Variants in PTPRS observed in about 807,000 individuals in gnomAD.
PTPRS encodes receptor-type tyrosine-protein phosphatase S.
A neutral mutation model predicts 215.3 loss-of-function variants in PTPRS; 63 were observed. That is an observed-to-expected ratio of 0.29 (90% CI 0.24 to 0.36). The LOEUF is 0.36. Among genes scored for constraint, PTPRS ranks in the 10% least tolerant of loss-of-function variants. The pLI, the probability that PTPRS is intolerant of heterozygous loss-of-function variation, is 1.00. For synonymous variants in PTPRS, 1,404 were observed against 1,191.4 expected (o/e 1.18, Z -3.68); for missense variants, 2,258 against 2,825.8 (o/e 0.80, Z 4.56).
chr19:5,261,381 G>A (rs1384324699), intron 6 of PTPRS, among the ~76,000 whole-genome samples: 1 of 152,192 alleles, frequency 6.6e-6, no homozygotes, highest in Non-Finnish European at 1.5e-5. Context: ...GGCCGAGTAG[G>A]AGGGACAGGG....
At chr19:5,275,357 G>A (rs989599993) in intron 2 of PTPRS, among the ~76,000 whole-genome samples, 4 of 151,272 alleles carry the variant, frequency 2.6e-5, no homozygotes, top group African/African-American at 4.8e-5. Flanking sequence ...GGCATGAGCC[G>A]CTGCACCCAG....
chr19:5,250,605 G>A (rs999202126), intron 9 of PTPRS, among the ~76,000 whole-genome samples: 7 of 90,766 alleles, frequency 7.7e-5, no homozygotes, highest in Non-Finnish European at 1.7e-4. Context: ...CCGAGTAGCC[G>A]GGGGGTCCCA....
intron 12 of PTPRS, 83 bp downstream of exon 12, chr19:5,240,116 A>C (rs748937486): frequency 1.2e-5 from 16 of 1,379,180 alleles, no homozygotes; most frequent in Non-Finnish European, 1.5e-5. Context: ...AGGGACAAAG[A>C]GGGGGAAGAG....
At chr19:5,207,305 AAACTCC>A (rs2040450679) in intron 37 of PTPRS, among the ~76,000 whole-genome samples, 2 of 152,130 alleles carry the variant, frequency 1.3e-5, no homozygotes, top group Non-Finnish European at 2.9e-5. Flanking sequence ...GGCTGGTCTC[AAACTCC>A]TGACCTCGGG....
intron 9 of PTPRS, among the ~76,000 whole-genome samples, chr19:5,248,839 T>G (rs527644181): frequency 6.6e-6 from 1 of 152,316 alleles, no homozygotes; most frequent in African/African-American, 2.4e-5. Context: ...TTTCCTCATC[T>G]GTAAAATGGA....
chr19:5,324,308 G>A (rs2147237430), intron 1 of PTPRS, among the ~76,000 whole-genome samples: 1 of 151,836 alleles, frequency 6.6e-6, no homozygotes, highest in Non-Finnish European at 1.5e-5. Flanking sequence ...GCACAGTCCG[G>A]CACACAGCAA....
At chr19:5,214,822 C>G (rs984914325) in intron 28 of PTPRS, 86 bp from the exon 29 acceptor site, 20 of 1,340,406 alleles carry the variant, frequency 1.5e-5, no homozygotes, top group Non-Finnish European at 1.9e-5. Flanking sequence ...TGGAAGTTCA[C>G]TCTGACCGCT....
chr19:5,288,800 C>G (rs4807708), intron 1 of PTPRS, among the ~76,000 whole-genome samples: 134,786 of 152,240 alleles, frequency 0.89, 59,913 homozygotes, highest in Middle Eastern at 0.96. Flanking sequence ...CCACATCCCA[C>G]GAGGACCTCA....
Position 5,244,099 on chromosome 19 carries a change from G to A in PTPRS, c.1372C>T (p.Arg458Cys), listed in dbSNP as rs141022401. 7.5e-6 allele frequency: 12 copies of A among 1,609,194 alleles called. No homozygotes were observed. Among genetic ancestry groups the A allele is most frequent in the Middle Eastern group, 1.6e-4 (1 of 6,076 alleles). The part of the protein sequence containing the change: ...EEPVEPNGLI[R>C]GYRVYYTMEP... ...ATGGTGTAGTAGACGCGGTAGCCGC[G>A]GATCAGGCCGTTGGGCTCCACCGGC... The change falls in exon 11 of 38, where the codon CGC becomes TGC. Residue 458 changes from arginine (R) to cysteine (C), a missense_variant. Coordinates refer to ENST00000262963, the MANE Select transcript of PTPRS (RefSeq NM_002850.4). This position sits in a 1 kb window ranked among gnomAD's most constrained non-coding sequence, Gnocchi z 7.2.
intron 16 of PTPRS, 77 bp downstream of exon 16, chr19:5,229,239 G>C: frequency 1.9e-5 from 25 of 1,308,140 alleles, no homozygotes; most frequent in Non-Finnish European, 2.3e-5. Context: ...GATGATAAGG[G>C]GCGTGCAGGA....
intron 1 of PTPRS, among the ~76,000 whole-genome samples, chr19:5,329,955 C>T (rs1353754050): frequency 2.0e-5 from 3 of 151,036 alleles, no homozygotes. Context: ...TGGCACATGC[C>T]TATAATCCCA....
At position 5,226,794 on chromosome 19, in the gene PTPRS, T is replaced by C. The variant is rs114963517; in HGVS notation, c.2377-950A>G. ...TAAACTTACAATCAACTAAGTTATATTGAAAGCAAAGGCAATAAATACAGC... is the reference window on the plus strand; with the variant it reads ...TAAACTTACAATCAACTAAGTTATACTGAAAGCAAAGGCAATAAATACAGC... On this transcript the variant is annotated intron_variant, in intron 16 of 37. Coordinates refer to ENST00000262963, the MANE Select transcript of PTPRS (RefSeq NM_002850.4). Among the ~76,000 whole-genome samples, 1,194 of 152,246 alleles carry C rather than the reference T, an allele frequency of 7.8e-3. 20 individuals are homozygous for C. The highest frequency in any genetic ancestry group is 0.028 in the African/African-American group (1,148 of 41,542).
At chr19:5,231,124 T>A (rs4807015) in intron 14 of PTPRS, among the ~76,000 whole-genome samples, 186 bp downstream of exon 14, 27 of 152,120 alleles carry the variant, frequency 1.8e-4, no homozygotes, top group African/African-American at 6.5e-4. Flanking sequence ...AGCCTGCCCA[T>A]GTCTAGAATC....
chr19:5,207,945 G>A lies in PTPRS; in HGVS notation c.5755C>T (p.Arg1919Trp), dbSNP rs1290109580. The change falls in exon 37 of 38, where the codon CGG becomes TGG. Residue 1919 changes from arginine (R) to tryptophan (W), a missense_variant. By Grantham distance (101) the Arg-to-Trp change is moderately radical. This residue lies in a region of PTPRS where 89 missense variants were observed against 104.0 expected (regional missense o/e 0.86). Transcript: ENST00000262963. The stretch of plus-strand genomic sequence containing the variant: ...ACCTCTGTCTGCACCATGGCCGGCC[G>A]CTGGGTTCGTAGCATCTTCACCGTC... ...FQTVKMLRTQRPAMVQTEDEY... is the reference protein window; with the variant it reads ...FQTVKMLRTQWPAMVQTEDEY... 3.1e-6 allele frequency: 5 copies of A among 1,613,732 alleles called. No homozygotes were observed. Among genetic ancestry groups the A allele is most frequent in the Admixed American group, 1.7e-5 (1 of 59,996 alleles).
intron 6 of PTPRS, among the ~76,000 whole-genome samples, chr19:5,262,420 C>T (rs2046072390): frequency 2.6e-5 from 4 of 152,310 alleles, no homozygotes; most frequent in African/African-American, 9.6e-5. Context: ...ATATCAGTCA[C>T]TCTCACTTTA....
At position 5,210,669 on chromosome 19, in the gene PTPRS, C is replaced by T. The variant is rs760692982; in HGVS notation, c.5361+10G>A. ...GCCCTCGCCCTTCCCTGCTGTGGCC[C>T]CTAGCTCACCCGGCCCATCTCCCGC... On this transcript the variant is annotated intron_variant, in intron 34 of 37. Coordinates refer to ENST00000262963, the MANE Select transcript of PTPRS (RefSeq NM_002850.4). This position sits in a 1 kb window ranked among gnomAD's most constrained non-coding sequence, Gnocchi z 4.5. The T allele has an allele frequency of 6.2e-7, 1 of 1,614,166 alleles. No individual in the cohort carries two copies. The highest frequency in any genetic ancestry group is 1.7e-5 in the Admixed American group (1 of 60,038).
intron 2 of PTPRS, among the ~76,000 whole-genome samples, chr19:5,280,175 C>A (rs1398344491): frequency 6.6e-6 from 1 of 152,162 alleles, no homozygotes; most frequent in Admixed American, 6.6e-5. Context: ...AGTCCAGGGG[C>A]CACACAGGTT....
rs142108661 is a variant in PTPRS at position 5,215,570 on chromosome 19, G to A, written c.4122C>T (p.Pro1374=). ...CCGTGTGCTCCGCCATGTCTGCGAT[G>A]GGAATTGGCGGGTGGCTAAGCATGC... ...FESMLSHPPI[P]IADMAEHTER... The change falls in exon 27 of 38, where the codon CCC becomes CCT. Residue 1374 remains proline, a synonymous_variant. Coordinates refer to ENST00000262963, the MANE Select transcript of PTPRS (RefSeq NM_002850.4). 9 of 1,609,916 alleles carry A rather than the reference G, an allele frequency of 5.6e-6. No individual in the cohort carries two copies. The highest frequency in any genetic ancestry group is 6.8e-6 in the Non-Finnish European group (8 of 1,177,324).
At chr19:5,323,071 T>C (rs1026541397) in intron 1 of PTPRS, among the ~76,000 whole-genome samples, 1 of 152,008 alleles carries the variant, frequency 6.6e-6, no homozygotes, top group Non-Finnish European at 1.5e-5. Context: ...TATGAAGCAT[T>C]CGAGGCTGGG....
Sources: allele counts gnomAD v4.1 joint callset (sites outside exome capture counted in the v4.1 genomes callset), GRCh38; gene constraint gnomAD v4.1.1; regional missense constraint gnomAD v4.1.1; non-coding constraint Gnocchi (gnomAD v3.1); transcripts MANE v1.5; gene names NCBI Gene and HGNC (gene_info 2026-07-23, HGNC 2026-07-21).